ADAMTS19: variants seen among roughly 807,000 people sequenced by gnomAD.
ADAMTS19 encodes A disintegrin and metalloproteinase with thrombospondin motifs 19.
ADAMTS19 carries 93 observed loss-of-function variants against 153.3 expected under a neutral mutation model. The observed-to-expected ratio is 0.61, with a 90% confidence interval of 0.51 to 0.72. The LOEUF (loss-of-function observed/expected upper bound fraction) is 0.72, where lower values mean the gene tolerates loss of function less well. ADAMTS19 is among the 30% of genes least tolerant of loss of function. The pLI is 0.00. For synonymous variants in ADAMTS19, 600 were observed against 556.6 expected, an observed-to-expected ratio of 1.08 and a Z score of -1.10; for missense variants, 1,482 against 1,552.1, an observed-to-expected ratio of 0.95 and a Z score of 0.76.
intron 19 of ADAMTS19, among the ~76,000 whole-genome samples, chr5:129,696,771 G>A (rs992938194): frequency 6.6e-6 from 1 of 152,148 alleles, no homozygotes; most frequent in African/African-American, 2.4e-5. Flanking sequence ...TTGGCTATTG[G>A]TTGAGGGTTA....
intron 8 of ADAMTS19, among the ~76,000 whole-genome samples, chr5:129,600,443 T>C (rs1020055116): frequency 6.6e-6 from 1 of 152,190 alleles, no homozygotes; most frequent in Non-Finnish European, 1.5e-5. Flanking sequence ...AATGATTCCA[T>C]GTAAACTTTT....
chr5:129,717,695 G>T (rs1169692122), intron 21 of ADAMTS19, among the ~76,000 whole-genome samples: 1 of 152,182 alleles, frequency 6.6e-6, no homozygotes, highest in East Asian at 1.9e-4. Context: ...TAGAAAAGAA[G>T]TGGTGGATAG....
At chr5:129,653,125 C>T (rs1353663048) in intron 13 of ADAMTS19, among the ~76,000 whole-genome samples, 2 of 152,200 alleles carry the variant, frequency 1.3e-5, no homozygotes, top group African/African-American at 4.8e-5. Context: ...AAGTGATACC[C>T]TGTTCCATGC....
Position 129,732,452 on chromosome 5 carries a change from A to G in ADAMTS19, c.3313-2480A>G, listed in dbSNP as rs182791957. On this transcript the variant is annotated intron_variant, in intron 21 of 22. Transcript: ENST00000274487. ...AAAGACTCCTTCAAAAGACTCCTAG[A>G]CTTGATAAATGGCATCAGTGAAGTT... Among the ~76,000 whole-genome samples, 8 of 152,242 alleles carry G rather than the reference A, an allele frequency of 5.3e-5. No homozygotes were observed. In the East Asian group the frequency reaches 1.5e-3, roughly 29 times the overall value.
chr5:129,531,872 A>G (rs942830594), intron 6 of ADAMTS19, among the ~76,000 whole-genome samples: 9 of 152,180 alleles, frequency 5.9e-5, no homozygotes, highest in Non-Finnish European at 8.8e-5. Context: ...TTGATTTTTA[A>G]TAAAGCTACC....
At chr5:129,536,716 G>A (rs1485188951) in intron 6 of ADAMTS19, among the ~76,000 whole-genome samples, 1 of 152,142 alleles carries the variant, frequency 6.6e-6, no homozygotes, top group Admixed American at 6.5e-5. Flanking sequence ...TATACACATG[G>A]AATACTATGC....
At chr5:129,467,113 A>G (rs949785052) in intron 2 of ADAMTS19, among the ~76,000 whole-genome samples, 9 of 152,194 alleles carry the variant, frequency 5.9e-5, no homozygotes, top group African/African-American at 2.2e-4. Context: ...AGAATGTTGT[A>G]CCTACCTGTG....
chr5:129,569,806 C>T (rs1181342095), intron 7 of ADAMTS19, among the ~76,000 whole-genome samples: 1 of 151,830 alleles, frequency 6.6e-6, no homozygotes, highest in African/African-American at 2.4e-5. Flanking sequence ...TTGGAGGATG[C>T]AGAAAAAGCC....
chr5:129,671,678 G>C (rs906135656), intron 16 of ADAMTS19, among the ~76,000 whole-genome samples: 1 of 151,514 alleles, frequency 6.6e-6, no homozygotes, highest in Non-Finnish European at 1.5e-5. Context: ...TCTTTAAACT[G>C]TATTCTTAAT....
intron 21 of ADAMTS19, among the ~76,000 whole-genome samples, chr5:129,731,263 T>C (rs969187008): frequency 2.6e-5 from 4 of 152,032 alleles, no homozygotes; most frequent in African/African-American, 9.7e-5. Flanking sequence ...CAGCCTAAGA[T>C]ACAATTTTGT....
At chr5:129,669,915 G>A (rs1319397407) in intron 16 of ADAMTS19, among the ~76,000 whole-genome samples, 1 of 151,696 alleles carries the variant, frequency 6.6e-6, no homozygotes, top group Admixed American at 6.6e-5. Flanking sequence ...TCATCCCTTT[G>A]TGGTCAGAGA....
intron 7 of ADAMTS19, among the ~76,000 whole-genome samples, chr5:129,593,639 C>T (rs569832908): frequency 1.3e-5 from 2 of 152,240 alleles, no homozygotes; most frequent in South Asian, 4.1e-4. Flanking sequence ...CCTTCTTTCA[C>T]TTTCAACTTC....
rs775500045 is a variant in ADAMTS19 at position 129,641,889 on chromosome 5, G to A, written c.1801G>A (p.Val601Ile). The A allele has an allele frequency of 1.1e-5, 18 of 1,602,618 alleles. No homozygotes were observed. In the Admixed American group the frequency reaches 2.4e-4, roughly 21 times the overall value. ...HVICTGLWCK[V>I]EGEKECRTKL... ...TATTTGCACAGGATTATGGTGCAAG[G>A]TAGAAGGTGAGAAAGAATGCAGAAC... The change falls in exon 11 of 23, where the codon GTA becomes ATA. Residue 601 changes from valine to isoleucine, a missense_variant. Val to Ile is a conservative substitution (Grantham distance 29). Coordinates refer to ENST00000274487, the MANE Select transcript of ADAMTS19 (RefSeq NM_133638.6).
chr5:129,684,476 A>G (rs1754976142), intron 18 of ADAMTS19, among the ~76,000 whole-genome samples: 1 of 137,250 alleles, frequency 7.3e-6, no homozygotes, highest in Non-Finnish European at 1.6e-5. Context: ...GATTGTTAAC[A>G]TATCTCAATA....
chr5:129,688,679 A>G (rs1755199153), intron 18 of ADAMTS19, among the ~76,000 whole-genome samples: 1 of 152,170 alleles, frequency 6.6e-6, no homozygotes, highest in African/African-American at 2.4e-5. Flanking sequence ...TAACATACAT[A>G]TATAAGTTAT....
chr5:129,608,591 T>G (rs943313374), intron 8 of ADAMTS19, among the ~76,000 whole-genome samples: 3 of 152,064 alleles, frequency 2.0e-5, no homozygotes, highest in African/African-American at 4.8e-5. Context: ...GAGGATATGC[T>G]CTAAGAGGAG....
In ADAMTS19 at chr5:129,706,885, T is replaced by A. The variant is rs184104892; in HGVS notation, c.3312+2494T>A. Among the ~76,000 whole-genome samples the A allele has an allele frequency of 3.4e-3, 514 of 152,100 alleles. 1 individual carries two copies. The highest frequency in any genetic ancestry group is 6.0e-3 in the Admixed American group (91 of 15,282). The stretch of plus-strand genomic sequence containing the variant: ...GTTTTTTATGCTAAACTAAAAAAAA[T>A]TTTTTTCAGTTTTATGAATATATGT... On this transcript the variant is annotated intron_variant, in intron 21 of 22. Coordinates refer to ENST00000274487, the MANE Select transcript of ADAMTS19 (RefSeq NM_133638.6).
In ADAMTS19 at chr5:129,620,788, G is replaced by A. The variant is rs780272911; in HGVS notation, c.1619+30G>A. ...GGAGGTCACTTATTGTTTTTGCCTT[G>A]TGAATGATTATGTGTGCTGTTTCTT... On this transcript the variant is annotated intron_variant, in intron 9 of 22. Coordinates refer to ENST00000274487, the MANE Select transcript of ADAMTS19 (RefSeq NM_133638.6). 3 of 1,606,332 alleles carry A rather than the reference G, an allele frequency of 1.9e-6. No individual in the cohort carries two copies. In the Admixed American group the frequency reaches 5.1e-5, roughly 27 times the overall value.
intron 2 of ADAMTS19, among the ~76,000 whole-genome samples, chr5:129,502,599 G>A (rs952918378): frequency 6.6e-6 from 1 of 152,164 alleles, no homozygotes; most frequent in African/African-American, 2.4e-5. Flanking sequence ...TTAACAATGT[G>A]ATCATCTGAA....
Sources: gnomAD v4.1 joint callset for allele counts (sites outside exome capture counted in the v4.1 genomes callset) on GRCh38, gnomAD v4.1.1 for gene constraint, MANE v1.5 for transcripts, NCBI Gene and HGNC (gene_info 2026-07-23, HGNC 2026-07-21) for gene names.